DGLUCY: variants seen among roughly 807,000 people sequenced by gnomAD.
The protein encoded by DGLUCY is D-glutamate cyclase.
Under a neutral mutation model 58.5 loss-of-function variants are expected in DGLUCY, and 58 were observed. That is an observed-to-expected ratio of 0.99 (90% CI 0.80 to 1.23). DGLUCY has a LOEUF of 1.23. DGLUCY is among the 50% of genes most tolerant of loss of function. The pLI is 0.00. For missense variants in DGLUCY, 779 were observed against 784.7 expected (o/e 0.99, Z 0.09); for synonymous variants, 325 against 314.1 (o/e 1.03, Z -0.37).
chr14:91,071,456 G>C (rs1198239681), intron 1 of DGLUCY, among the ~76,000 whole-genome samples: 1 of 151,328 alleles, frequency 6.6e-6, no homozygotes. Flanking sequence ...TCAACCAAGA[G>C]ATTAATCAAA....
At chr14:91,144,257 TAAC>T in intron 1 of DGLUCY, among the ~76,000 whole-genome samples, 3 of 152,116 alleles carry the variant, frequency 2.0e-5, no homozygotes, top group Admixed American at 6.6e-5. Context: ...ATTTATCAGG[TAAC>T]TATATAAATG....
At chr14:91,155,717 G>A (rs982567041) in intron 1 of DGLUCY, among the ~76,000 whole-genome samples, 1 of 151,620 alleles carries the variant, frequency 6.6e-6, no homozygotes, top group Non-Finnish European at 1.5e-5. Flanking sequence ...GATTGCTTGA[G>A]CCCAGGAGGT....
intron 1 of DGLUCY, among the ~76,000 whole-genome samples, chr14:91,151,986 G>A (rs979812747): frequency 5.3e-5 from 8 of 151,662 alleles, no homozygotes; most frequent in South Asian, 2.1e-4. Flanking sequence ...GACCCTACCC[G>A]CCATTCCCCA....
intron 1 of DGLUCY, among the ~76,000 whole-genome samples, chr14:91,068,504 A>G (rs1310289644): frequency 6.6e-6 from 1 of 152,164 alleles, no homozygotes; most frequent in Non-Finnish European, 1.5e-5. Flanking sequence ...TCCCGTCTGT[A>G]CTAAAAATAC....
chr14:91,119,870 G>C (rs369607864), intron 1 of DGLUCY, among the ~76,000 whole-genome samples: 1 of 152,082 alleles, frequency 6.6e-6, no homozygotes, highest in African/African-American at 2.4e-5. Flanking sequence ...TCTTTCTCCC[G>C]TGCTGGATGC....
chr14:91,115,664 C>T (rs190607429), intron 1 of DGLUCY, among the ~76,000 whole-genome samples: 2 of 152,296 alleles, frequency 1.3e-5, no homozygotes, highest in Non-Finnish European at 2.9e-5. Flanking sequence ...TCCGGCCTGG[C>T]CTCCCAAAGT....
chr14:91,223,182 T>C (rs1408836688), intron 13 of DGLUCY, among the ~76,000 whole-genome samples: 1 of 152,228 alleles, frequency 6.6e-6, no homozygotes, highest in East Asian at 1.9e-4. Flanking sequence ...GCCCCTGCTC[T>C]GTGCTGTGAC....
chr14:91,078,358 T>G (rs2044066096), intron 1 of DGLUCY, among the ~76,000 whole-genome samples: 1 of 152,244 alleles, frequency 6.6e-6, no homozygotes, highest in Non-Finnish European at 1.5e-5. Flanking sequence ...AAACTGGATT[T>G]AATAACCTTG....
In DGLUCY at chr14:91,170,137, C is replaced by G. The variant is rs896506301; in HGVS notation, c.392C>G (p.Ala131Gly). The G allele has an allele frequency of 6.2e-7, 1 of 1,613,228 alleles. No individual in the cohort carries two copies. Among genetic ancestry groups the G allele is most frequent in the African/African-American group, 1.3e-5 (1 of 74,920 alleles). Residue 131 changes from alanine (A) to glycine (G), a missense_variant, in exon 5 of 14, where the codon GCC (alanine) becomes GGC (glycine). Ala to Gly is a moderately conservative substitution (Grantham distance 60). Coordinates refer to ENST00000256324, the MANE Select transcript of DGLUCY (RefSeq NM_001102368.3). Reference sequence around the variant, plus strand: ...GGCTGCAGCTTCTCCCTGGAGGAGGCCTTGGAGAAAGCGGGGCTCCCCAGA... The same window carrying G: ...GGCTGCAGCTTCTCCCTGGAGGAGGGCTTGGAGAAAGCGGGGCTCCCCAGA... ...FLGCSFSLEE[A>G]LEKAGLPRRD...
intron 2 of DGLUCY, among the ~76,000 whole-genome samples, chr14:91,159,226 C>G (rs1365728281): frequency 6.6e-6 from 1 of 151,952 alleles, no homozygotes; most frequent in Non-Finnish European, 1.5e-5. Context: ...GTGGGCTGAT[C>G]ACTTGAGGCC....
intron 12 of DGLUCY, among the ~76,000 whole-genome samples, chr14:91,205,754 C>CTCTTCTTCTTCTTCTTCTTCT (rs34299453): frequency 0.043 from 5,625 of 129,714 alleles, 223 homozygotes; most frequent in Middle Eastern, 0.089. Context: ...CCAGGGCATT[C>CTCTTCTTCTTCTTCTTCTTCT]TCTTCTTCTT....
At chr14:91,108,230 T>C (rs1357043561) in intron 1 of DGLUCY, among the ~76,000 whole-genome samples, 1 of 152,064 alleles carries the variant, frequency 6.6e-6, no homozygotes, top group Non-Finnish European at 1.5e-5. Flanking sequence ...CGTACAAGTG[T>C]AGGGTCAGTC....
intron 1 of DGLUCY, among the ~76,000 whole-genome samples, chr14:91,121,034 C>T (rs2045327725): frequency 6.6e-6 from 1 of 152,168 alleles, no homozygotes. Context: ...TGTCTATCTT[C>T]CCAGCCCCTC....
chr14:91,111,252 ATATC>A (rs2044693936), upstream of DGLUCY, among the ~76,000 whole-genome samples: 1 of 133,884 alleles, frequency 7.5e-6, no homozygotes. Flanking sequence ...GTGTGTGTAT[ATATC>A]TATATATCTA....
exon 1 of DGLUCY, chr14:91,060,598 C>T (rs1405075108): frequency 1.9e-5 from 18 of 955,260 alleles, no homozygotes; most frequent in South Asian, 9.0e-5. Flanking sequence ...CCGCACGGCT[C>T]GCTCCTCGCC....
At chr14:91,071,731 G>A (rs765351604) in intron 1 of DGLUCY, among the ~76,000 whole-genome samples, 4 of 152,044 alleles carry the variant, frequency 2.6e-5, no homozygotes, top group Admixed American at 1.3e-4. Flanking sequence ...AGTTGGGCGT[G>A]GTGGTGGGTG....
At chr14:91,212,941 C>CAGTG (rs903645098) in intron 12 of DGLUCY, among the ~76,000 whole-genome samples, 1 of 151,132 alleles carries the variant, frequency 6.6e-6, no homozygotes, top group African/African-American at 2.4e-5. Context: ...GCGGAGCCTG[C>CAGTG]AGTGAGCCGA....
At chr14:91,172,057 CTTTAT>C (rs531705643) in intron 5 of DGLUCY, among the ~76,000 whole-genome samples, 209 of 152,182 alleles carry the variant, frequency 1.4e-3, no homozygotes, top group Non-Finnish European at 2.5e-3. Flanking sequence ...TCCCTCCCTT[CTTTAT>C]TTTATTTTAT....
At chr14:91,216,859 C>T (rs1470995233) in intron 13 of DGLUCY, among the ~76,000 whole-genome samples, 1 of 152,166 alleles carries the variant, frequency 6.6e-6, no homozygotes, top group East Asian at 1.9e-4. Flanking sequence ...CAACGTGTGC[C>T]CGTCTAACTT....
Sources: gnomAD v4.1 joint callset for allele counts (sites outside exome capture counted in the v4.1 genomes callset) on GRCh38, gnomAD v4.1.1 for gene constraint, MANE v1.5 for transcripts, NCBI Gene and HGNC (gene_info 2026-07-23, HGNC 2026-07-21) for gene names.